Variants in ESRRG observed in about 807,000 individuals in gnomAD.
ESRRG encodes the protein estrogen related receptor gamma, also known as estrogen-related receptor gamma.
In ESRRG, 13 loss-of-function variants were observed where a neutral mutation model predicts 44.0. The ratio of observed to expected loss-of-function variants is 0.30; its 90% CI spans 0.19 to 0.47. The LOEUF (loss-of-function observed/expected upper bound fraction) is 0.47. Ranked by LOEUF, ESRRG falls within the 20% of genes least tolerant of loss-of-function variation. The pLI is 1.00. For missense variants in ESRRG, 395 were observed against 580.6 expected (o/e 0.68, Z 3.29); for synonymous variants, 215 against 214.6 (o/e 1.00, Z -0.02).
At chr1:216,898,090 C>T (rs2818744) in intron 2 of ESRRG, among the ~76,000 whole-genome samples, 113,026 of 151,712 alleles carry the variant, frequency 0.75, 43,295 homozygotes, top group East Asian at 0.92. Flanking sequence ...GCACACAGAC[C>T]GGACCGTTGA....
At chr1:216,991,679 GATGGGATGGGATAGA>G (rs1257844742) in intron 1 of ESRRG, among the ~76,000 whole-genome samples, 2 of 123,522 alleles carry the variant, frequency 1.6e-5, no homozygotes, top group African/African-American at 3.4e-5. Flanking sequence ...GATGGGATGG[GATGGGATGGGATAGA>G]ATATTCCTTG....
At chr1:216,994,160 A>G (rs936473399) in intron 1 of ESRRG, among the ~76,000 whole-genome samples, 3 of 152,226 alleles carry the variant, frequency 2.0e-5, no homozygotes, top group African/African-American at 7.2e-5. Flanking sequence ...AGTAGATTAC[A>G]TGTCTCAGGG....
intron 1 of ESRRG, among the ~76,000 whole-genome samples, chr1:216,690,582 T>C (rs1451110589): frequency 2.0e-5 from 3 of 152,048 alleles, no homozygotes; most frequent in Non-Finnish European, 2.9e-5. Flanking sequence ...GCACAGAAAA[T>C]ATGTCTTGTT....
intron 3 of ESRRG, among the ~76,000 whole-genome samples, chr1:216,579,245 T>G (rs1017502499): frequency 6.6e-6 from 1 of 152,132 alleles, no homozygotes; most frequent in Non-Finnish European, 1.5e-5. Context: ...AGCTAAATAT[T>G]CAATGTTATT....
intron 3 of ESRRG, among the ~76,000 whole-genome samples, chr1:216,627,603 C>G (rs796144455): frequency 6.6e-6 from 1 of 152,140 alleles, no homozygotes; most frequent in Admixed American, 6.6e-5. Context: ...TCCCAAATAC[C>G]TGGACAGAAA....
At chr1:216,818,268 A>G (rs2095202590) in intron 2 of ESRRG, among the ~76,000 whole-genome samples, 2 of 152,356 alleles carry the variant, frequency 1.3e-5, no homozygotes, top group South Asian at 4.1e-4. Context: ...TGATACTATA[A>G]TATAATATTG....
At chr1:216,991,632 G>GGGATA (rs2075722670) in intron 1 of ESRRG, among the ~76,000 whole-genome samples, 1 of 74,042 alleles carries the variant, frequency 1.4e-5, no homozygotes, top group Non-Finnish European at 2.4e-5. Flanking sequence ...GGGATGGGAT[G>GGGATA]GGATGGGATG....
chr1:216,732,004 A>AT lies in ESRRG; in HGVS notation c.-13-54514dup, dbSNP rs1005836237. Among the ~76,000 whole-genome samples, 19 of 152,014 alleles carry AT rather than the reference A, an allele frequency of 1.2e-4. No homozygotes were observed. The South Asian group carries it at 1.5e-3, about 12-fold the overall frequency. On this transcript the variant is annotated intron_variant, in intron 2 of 7. Coordinates refer to the ESRRG transcript ENST00000359162. ...CAAAGAATTGAAATTTAACAAAGAA[A>AT]TTTTTTTTTAATTTTTATATGTTTA... is the stretch of plus-strand genomic sequence containing the variant.
chr1:216,865,776 C>A (rs1334716584), intron 2 of ESRRG, among the ~76,000 whole-genome samples: 1 of 152,156 alleles, frequency 6.6e-6, no homozygotes, highest in Non-Finnish European at 1.5e-5. Flanking sequence ...TTTACAATGG[C>A]ATTCCTTTTG....
At chr1:216,577,169 G>A (rs77542224) in intron 3 of ESRRG, among the ~76,000 whole-genome samples, 1 of 149,400 alleles carries the variant, frequency 6.7e-6, no homozygotes, top group Non-Finnish European at 1.5e-5. Context: ...ATGTCAGAGG[G>A]AGAGAGAGAG....
At chr1:216,911,899 G>C (rs1351474872) in intron 2 of ESRRG, among the ~76,000 whole-genome samples, 4 of 151,698 alleles carry the variant, frequency 2.6e-5, no homozygotes, top group African/African-American at 4.8e-5. Flanking sequence ...GTGAAACCCT[G>C]ACTCTATTAA....
chr1:216,878,256 T>C (rs1363340302), intron 2 of ESRRG, among the ~76,000 whole-genome samples: 1 of 152,216 alleles, frequency 6.6e-6, no homozygotes, highest in Non-Finnish European at 1.5e-5. Context: ...TTGCCTACCT[T>C]TTAAACTGAG....
intron 1 of ESRRG, among the ~76,000 whole-genome samples, chr1:217,006,156 T>C (rs975055465): frequency 1.3e-5 from 2 of 152,106 alleles, no homozygotes; most frequent in Non-Finnish European, 2.9e-5. Flanking sequence ...CAATACAGTG[T>C]AGAAAAATAA....
intron 5 of ESRRG, among the ~76,000 whole-genome samples, chr1:216,530,144 G>T (rs1399542098): frequency 6.7e-6 from 1 of 149,176 alleles, no homozygotes; most frequent in Admixed American, 6.7e-5. Flanking sequence ...GGGGGTGGGG[G>T]AAAGAATAGT....
At chr1:217,042,533 C>A (rs1197570792) in intron 1 of ESRRG, among the ~76,000 whole-genome samples, 1 of 149,670 alleles carries the variant, frequency 6.7e-6, no homozygotes, top group Non-Finnish European at 1.5e-5. Flanking sequence ...GCTCTGACAT[C>A]CTGCAGCAGT....
intron 2 of ESRRG, among the ~76,000 whole-genome samples, chr1:216,730,319 AAAAGAAAG>A (rs1382143993): frequency 6.6e-6 from 1 of 151,238 alleles, no homozygotes. Context: ...AAAAAAAAAA[AAAAGAAAG>A]AAAAAGAAAG....
intron 2 of ESRRG, among the ~76,000 whole-genome samples, chr1:216,884,491 TCCTTAG>T (rs2096490610): frequency 6.6e-6 from 1 of 152,204 alleles, no homozygotes; most frequent in Non-Finnish European, 1.5e-5. Context: ...GCCCGAAACT[TCCTTAG>T]GCTTCTCGTG....
chr1:216,698,143 G>A (rs1466428219), intron 1 of ESRRG, among the ~76,000 whole-genome samples: 1 of 152,098 alleles, frequency 6.6e-6, no homozygotes, highest in Middle Eastern at 3.2e-3. Flanking sequence ...GAGGGAAAAC[G>A]GGAAAGGAAA....
In ESRRG at chr1:216,894,901, C is replaced by T. The variant is rs551006186; in HGVS notation, c.-14+44681G>A. 1.8e-4 allele frequency among the ~76,000 whole-genome samples: 27 copies of T among 152,168 alleles called. No individual in the cohort carries two copies. The South Asian group carries it at 2.9e-3, about 16-fold the overall frequency. The stretch of plus-strand genomic sequence containing the variant: ...TCTATCCTGATTCCTCCCCCATCCA[C>T]GTTAATTTTTTTTAAAAAGATTTAA... On this transcript the variant is annotated intron_variant, in intron 2 of 7. Transcript: ENST00000359162.
Sources: gnomAD v4.1 joint callset for allele counts (sites outside exome capture counted in the v4.1 genomes callset) on GRCh38, gnomAD v4.1.1 for gene constraint, MANE v1.5 for transcripts, NCBI Gene and HGNC (gene_info 2026-07-23, HGNC 2026-07-21) for gene names.